The following PCCA variants were observed in gnomAD, a reference collection of about 807,000 sequenced individuals.
The protein encoded by PCCA is propionyl-CoA carboxylase alpha chain, mitochondrial.
Under a neutral mutation model 101.3 loss-of-function variants are expected in PCCA, and 74 were observed. The ratio of observed to expected loss-of-function variants is 0.73; its 90% confidence interval spans 0.61 to 0.89. PCCA has a LOEUF of 0.89. Ranked by LOEUF, PCCA falls within the 40% of genes least tolerant of loss-of-function variation. PCCA has a pLI of 0.00. For missense variants in PCCA, 891 were observed against 907.0 expected (o/e 0.98, Z 0.23); for synonymous variants, 294 against 313.6 (o/e 0.94, Z 0.66).
chr13:100,459,227 A>G (rs1166277665), intron 21 of PCCA, among the ~76,000 whole-genome samples: 1 of 152,154 alleles, frequency 6.6e-6, no homozygotes, highest in African/African-American at 2.4e-5. Context: ...CATTTAACTC[A>G]TTATGTCTGC....
intron 6 of PCCA, among the ~76,000 whole-genome samples, chr13:100,207,055 C>T (rs543038958): frequency 2.1e-4 from 32 of 152,302 alleles, no homozygotes; most frequent in African/African-American, 6.7e-4. Flanking sequence ...TCCGGTGTCA[C>T]GTACAACTTA....
intron 7 of PCCA, among the ~76,000 whole-genome samples, chr13:100,211,550 T>G (rs2059212502): frequency 6.6e-6 from 1 of 152,162 alleles, no homozygotes; most frequent in Non-Finnish European, 1.5e-5. Context: ...GTTCTAGTTT[T>G]TGTGTTTTTT....
At chr13:100,212,139 C>T (rs1388848155) in intron 7 of PCCA, among the ~76,000 whole-genome samples, 3 of 152,212 alleles carry the variant, frequency 2.0e-5, no homozygotes, top group Non-Finnish European at 4.4e-5. Flanking sequence ...TACTTGATGC[C>T]TCTGAGGCAC....
chr13:100,307,890 G>A (rs938249537), intron 15 of PCCA, among the ~76,000 whole-genome samples: 38 of 152,150 alleles, frequency 2.5e-4, no homozygotes, highest in African/African-American at 8.2e-4. Context: ...ATGGAGTCTC[G>A]CTCTGTCCGC....
chr13:100,524,089 G>T (rs550497188), intron 22 of PCCA, among the ~76,000 whole-genome samples: 1 of 152,202 alleles, frequency 6.6e-6, no homozygotes, highest in South Asian at 2.1e-4. Flanking sequence ...TACGGTGTGC[G>T]ACACATTCTG....
intron 1 of PCCA, among the ~76,000 whole-genome samples, chr13:100,091,542 G>A (rs765496650): frequency 6.6e-6 from 1 of 152,112 alleles, no homozygotes; most frequent in East Asian, 1.9e-4. Context: ...TTCTCTCTGC[G>A]CTTCTCTTCT....
chr13:100,302,248 G>A (rs566285202), intron 13 of PCCA, among the ~76,000 whole-genome samples: 54 of 151,784 alleles, frequency 3.6e-4, no homozygotes, highest in African/African-American at 1.2e-3. Flanking sequence ...TTTACTTTTC[G>A]ACATCAAAAA....
At chr13:100,168,362 A>C (rs892041991) in intron 6 of PCCA, among the ~76,000 whole-genome samples, 1 of 152,232 alleles carries the variant, frequency 6.6e-6, no homozygotes, top group Non-Finnish European at 1.5e-5. Context: ...AAAAAGCTAC[A>C]TAATACCTAT....
At chr13:100,206,452 A>G (rs969331683) in intron 6 of PCCA, among the ~76,000 whole-genome samples, 2 of 152,046 alleles carry the variant, frequency 1.3e-5, no homozygotes, top group Non-Finnish European at 2.9e-5. Context: ...TTTTTAGTAG[A>G]GGCCACTATG....
At chr13:100,376,232 G>T (rs1354090313) in intron 19 of PCCA, among the ~76,000 whole-genome samples, 2 of 152,194 alleles carry the variant, frequency 1.3e-5, no homozygotes, top group African/African-American at 4.8e-5. Flanking sequence ...CTTCGTCCCA[G>T]AGGGGCACCT....
chr13:100,241,509 T>A (rs1219085811), intron 8 of PCCA, among the ~76,000 whole-genome samples: 3 of 152,214 alleles, frequency 2.0e-5, no homozygotes, highest in African/African-American at 7.2e-5. Context: ...CTCGCTCTTT[T>A]ACCCAGGATA....
rs111363000 is a variant in PCCA, at chr13:100,195,311, A to G, written c.469-14021A>G. ...AAAAGAAAAACTAAAATTTGTATCG[A>G]TATGTTTAATTAAAGCATTATTGTT... On this transcript the variant is annotated intron_variant, in intron 6 of 23. Coordinates refer to ENST00000376285, the MANE Select transcript of PCCA (RefSeq NM_000282.4). Among the ~76,000 whole-genome samples, 420 of 152,306 alleles carry G rather than the reference A, an allele frequency of 2.8e-3. 3 individuals are homozygous for G. Among genetic ancestry groups the G allele is most frequent in the African/African-American group, 9.8e-3 (407 of 41,574 alleles).
chr13:100,458,452 C>CACACACACACACAT (rs2081952331), intron 21 of PCCA, among the ~76,000 whole-genome samples: 1 of 47,664 alleles, frequency 2.1e-5, no homozygotes, highest in Admixed American at 3.6e-4. Context: ...CACACACACA[C>CACACACACACACAT]ACACACACAC....
chr13:100,457,392 C>A (rs2081823006), intron 21 of PCCA, among the ~76,000 whole-genome samples: 1 of 152,072 alleles, frequency 6.6e-6, no homozygotes, highest in Admixed American at 6.5e-5. Context: ...TGCTGGCTGA[C>A]AAATCAGCCT....
intron 2 of PCCA, among the ~76,000 whole-genome samples, chr13:100,106,457 C>A (rs576517868): frequency 1.3e-5 from 2 of 152,272 alleles, no homozygotes; most frequent in East Asian, 3.9e-4. Flanking sequence ...GTCACCCAGG[C>A]TGGAGTGCAG....
intron 12 of PCCA, among the ~76,000 whole-genome samples, chr13:100,287,372 A>C (rs1191423863): frequency 6.6e-6 from 1 of 152,130 alleles, no homozygotes; most frequent in South Asian, 2.1e-4. Context: ...AAATGACAGA[A>C]TCTCTGGACT....
At chr13:100,494,400 C>G (rs1490685943) in intron 21 of PCCA, among the ~76,000 whole-genome samples, 1 of 151,360 alleles carries the variant, frequency 6.6e-6, no homozygotes, top group African/African-American at 2.4e-5. Context: ...ATTTGAAATT[C>G]CGGCCGGGTA....
intron 22 of PCCA, chr13:100,527,362 C>T (rs2087929206): frequency 6.0e-6 from 3 of 503,452 alleles, no homozygotes; most frequent in African/African-American, 3.9e-5. Flanking sequence ...GAAAACATTC[C>T]AATTTCCGAA....
intron 8 of PCCA, among the ~76,000 whole-genome samples, chr13:100,249,645 C>T (rs2061642069): frequency 6.6e-6 from 1 of 152,106 alleles, no homozygotes; most frequent in Non-Finnish European, 1.5e-5. Context: ...TAATTGTGTT[C>T]AACCTATAGA....
Sources: gnomAD v4.1 joint callset for allele counts (sites outside exome capture counted in the v4.1 genomes callset) on GRCh38, gnomAD v4.1.1 for gene constraint, MANE v1.5 for transcripts, NCBI Gene and HGNC (gene_info 2026-07-23, HGNC 2026-07-21) for gene names.